The following DSCAM variants were observed in gnomAD, a reference collection of about 807,000 sequenced individuals.
DSCAM encodes DS cell adhesion molecule, also known as cell adhesion molecule DSCAM.
A neutral mutation model predicts 217.7 loss-of-function variants in DSCAM; 47 were observed. That is an observed-to-expected ratio of 0.22 (90% confidence interval 0.17 to 0.28). The LOEUF (loss-of-function observed/expected upper bound fraction) is 0.28, where lower values mean the gene tolerates loss of function less well. Ranked by LOEUF, DSCAM falls within the 10% of genes least tolerant of loss-of-function variation. The pLI is 1.00. For synonymous variants in DSCAM, 1,056 were observed against 1,015.3 expected, an observed-to-expected ratio of 1.04 and a Z score of -0.76; for missense variants, 2,080 against 2,618.3, an observed-to-expected ratio of 0.79 and a Z score of 4.49.
chr21:40,479,605 A>G (rs2075965079), intron 3 of DSCAM, among the ~76,000 whole-genome samples: 1 of 152,170 alleles, frequency 6.6e-6, no homozygotes, highest in South Asian at 2.1e-4. Flanking sequence ...TTCCCTTTAT[A>G]AAACTATCAG....
chr21:40,655,863 G>A (rs1228180600), intron 3 of DSCAM, among the ~76,000 whole-genome samples: 4 of 152,060 alleles, frequency 2.6e-5, no homozygotes, highest in African/African-American at 9.7e-5. Flanking sequence ...AGGCCAGCGT[G>A]GCAGCATAGC....
chr21:40,136,665 A>G (rs1457822301), intron 18 of DSCAM, among the ~76,000 whole-genome samples: 1 of 152,190 alleles, frequency 6.6e-6, no homozygotes, highest in African/African-American at 2.4e-5. Flanking sequence ...GGGTGCTGGT[A>G]GCTGGTTATG....
At chr21:40,801,475 T>C (rs1213869938) in intron 1 of DSCAM, among the ~76,000 whole-genome samples, 4 of 152,106 alleles carry the variant, frequency 2.6e-5, no homozygotes, top group Non-Finnish European at 5.9e-5. Flanking sequence ...TTCCTCAAGA[T>C]AGCAGAAAAA....
intron 1 of DSCAM, among the ~76,000 whole-genome samples, chr21:40,785,471 A>G (rs1285617016): frequency 2.0e-5 from 3 of 152,214 alleles, no homozygotes; most frequent in African/African-American, 7.2e-5. Context: ...TGGCCAATAC[A>G]CTTATCAGGA....
intron 19 of DSCAM, among the ~76,000 whole-genome samples, chr21:40,130,838 G>A (rs1205762451): frequency 6.6e-6 from 1 of 152,094 alleles, no homozygotes; most frequent in East Asian, 1.9e-4. Context: ...CCTTTATTAG[G>A]GTTAAGTTTC....
chr21:40,700,085 A>G (rs1043875153), intron 2 of DSCAM, among the ~76,000 whole-genome samples: 1 of 152,224 alleles, frequency 6.6e-6, no homozygotes, highest in Non-Finnish European at 1.5e-5. Flanking sequence ...CTCATTTACC[A>G]TTTCAATAAT....
intron 3 of DSCAM, among the ~76,000 whole-genome samples, chr21:40,371,722 A>T (rs2074901087): frequency 6.6e-6 from 1 of 152,080 alleles, no homozygotes; most frequent in Non-Finnish European, 1.5e-5. Context: ...TGAACCTTTG[A>T]TTGTCTTAAG....
chr21:40,312,962 A>C (rs917484649), intron 8 of DSCAM, among the ~76,000 whole-genome samples: 1 of 151,790 alleles, frequency 6.6e-6, no homozygotes, highest in Admixed American at 6.6e-5. Flanking sequence ...ACATTTTTTT[A>C]AAAAATTAGC....
chr21:40,359,676 G>A (rs1402037295), intron 4 of DSCAM, among the ~76,000 whole-genome samples: 1 of 152,072 alleles, frequency 6.6e-6, no homozygotes, highest in East Asian at 1.9e-4. Context: ...TAACAACATG[G>A]GTGCTGCATG....
intron 18 of DSCAM, among the ~76,000 whole-genome samples, chr21:40,137,084 A>G (rs542741801): frequency 6.6e-6 from 1 of 150,920 alleles, no homozygotes; most frequent in African/African-American, 2.4e-5. Context: ...CTGAGGCAAG[A>G]GAACGGCGTG....
intron 1 of DSCAM, among the ~76,000 whole-genome samples, chr21:40,779,908 A>T (rs929456440): frequency 1.3e-5 from 2 of 152,208 alleles, no homozygotes; most frequent in Non-Finnish European, 2.9e-5. Context: ...GTTTTCTTTA[A>T]AAAAGACAAC....
chr21:40,515,952 T>C (rs1248173071), intron 3 of DSCAM, among the ~76,000 whole-genome samples: 1 of 152,206 alleles, frequency 6.6e-6, no homozygotes, highest in Middle Eastern at 3.4e-3. Context: ...TTTTCATAGA[T>C]AACCCTCAAA....
At chr21:40,512,582 G>A (rs1371413626) in intron 3 of DSCAM, among the ~76,000 whole-genome samples, 1 of 152,114 alleles carries the variant, frequency 6.6e-6, no homozygotes, top group South Asian at 2.1e-4. Flanking sequence ...GCCAGTAGAG[G>A]TCAGAATATT....
intron 1 of DSCAM, among the ~76,000 whole-genome samples, chr21:40,814,936 T>A (rs1473931602): frequency 6.6e-6 from 1 of 152,202 alleles, no homozygotes; most frequent in Admixed American, 6.5e-5. Context: ...ATTGCAGTGT[T>A]TGAAAATGTG....
intron 3 of DSCAM, among the ~76,000 whole-genome samples, chr21:40,580,538 C>CA (rs112266584): frequency 0.011 from 1,576 of 141,784 alleles, 12 homozygotes; most frequent in African/African-American, 0.038. Context: ...GACTCTGTCT[C>CA]AAAAAAAAAC....
intron 11 of DSCAM, among the ~76,000 whole-genome samples, chr21:40,241,476 G>A (rs1314102172): frequency 6.6e-6 from 1 of 152,104 alleles, no homozygotes; most frequent in Admixed American, 6.5e-5. Context: ...TTATTAAAAA[G>A]TCTAAAAAAA....
At chr21:40,654,347 C>T (rs1195741615) in intron 3 of DSCAM, among the ~76,000 whole-genome samples, 1 of 152,120 alleles carries the variant, frequency 6.6e-6, no homozygotes, top group East Asian at 1.9e-4. Flanking sequence ...GGTGCTAGTA[C>T]AAAATCAATA....
At chr21:40,204,836 C>T (rs1053304102) in intron 11 of DSCAM, among the ~76,000 whole-genome samples, 1 of 152,216 alleles carries the variant, frequency 6.6e-6, no homozygotes, top group African/African-American at 2.4e-5. Flanking sequence ...TGCACACACA[C>T]AGTCACATGT....
chr21:40,334,881 C>T (rs768582889), intron 8 of DSCAM, among the ~76,000 whole-genome samples: 5 of 151,972 alleles, frequency 3.3e-5, no homozygotes, highest in East Asian at 1.9e-4. Context: ...AATAAAGCCC[C>T]CATCTCACTC....
Sources: gnomAD v4.1 joint callset for allele counts (sites outside exome capture counted in the v4.1 genomes callset) on GRCh38, gnomAD v4.1.1 for gene constraint, MANE v1.5 for transcripts, NCBI Gene and HGNC (gene_info 2026-07-23, HGNC 2026-07-21) for gene names.